KIAA1549L: variants seen among roughly 807,000 people sequenced by gnomAD.
The protein encoded by KIAA1549L is UPF0606 protein KIAA1549L.
A neutral mutation model predicts 160.7 loss-of-function variants in KIAA1549L; 88 were observed. The ratio of observed to expected loss-of-function variants is 0.55; its 90% CI spans 0.46 to 0.65. The LOEUF (loss-of-function observed/expected upper bound fraction) is 0.65. KIAA1549L is among the 30% of genes least tolerant of loss of function. The pLI is 0.00. For missense variants in KIAA1549L, 2,258 were observed against 2,437.5 expected (o/e 0.93, Z 1.55); for synonymous variants, 950 against 976.7 (o/e 0.97, Z 0.51).
chr11:33,661,914 A>C (rs1852279490), intron 20 of KIAA1549L, among the ~76,000 whole-genome samples: 1 of 150,692 alleles, frequency 6.6e-6, no homozygotes, highest in Non-Finnish European at 1.5e-5. Flanking sequence ...AAAGAAACCC[A>C]AGACTGAATT....
chr11:33,574,603 T>G, intron 9 of KIAA1549L, 99 bp from the exon 10 acceptor site: 1 of 1,138,088 alleles, frequency 8.8e-7, no homozygotes, highest in South Asian at 1.7e-5. Context: ...GCCACAGAAG[T>G]CTTCAGCAGT....
intron 9 of KIAA1549L, among the ~76,000 whole-genome samples, chr11:33,569,004 C>T (rs1275954705): frequency 6.6e-6 from 1 of 152,170 alleles, no homozygotes; most frequent in East Asian, 1.9e-4. Flanking sequence ...AAGCTTTAGT[C>T]ATTGACTGCA....
intron 1 of KIAA1549L, among the ~76,000 whole-genome samples, chr11:33,522,004 A>T (rs1485747479): frequency 6.6e-6 from 1 of 152,234 alleles, no homozygotes; most frequent in African/African-American, 2.4e-5. Context: ...CAAATGAGAG[A>T]CAGTGTAGCC....
At chr11:33,513,215 A>G (rs1410190095) in intron 1 of KIAA1549L, among the ~76,000 whole-genome samples, 2 of 152,194 alleles carry the variant, frequency 1.3e-5, no homozygotes, top group Admixed American at 6.5e-5. Flanking sequence ...TGAAAATAAA[A>G]CAAATATTTT....
At chr11:33,561,976 T>C (rs888349173) in intron 8 of KIAA1549L, among the ~76,000 whole-genome samples, 2 of 152,236 alleles carry the variant, frequency 1.3e-5, no homozygotes, top group African/African-American at 4.8e-5. Context: ...TTGTAAAAAG[T>C]GACCCTATCA....
chr11:33,598,857 G>GA lies in KIAA1549L; in HGVS notation c.4791dup (p.Ser1598IlefsTer34). The GA allele has an allele frequency of 6.2e-7, 1 of 1,613,936 alleles. No individual in the cohort carries two copies. The highest frequency in any genetic ancestry group is 8.5e-7 in the Non-Finnish European group (1 of 1,179,862). ...TGAGAATGGCTCTGTCATCAGCAAC[G>GA]AATCAGGGAAGCCCAGCTCAGGGAG... On this transcript the variant is annotated frameshift_variant, in exon 13 of 21. Coordinates refer to ENST00000658780, the MANE Select transcript of KIAA1549L (RefSeq NM_012194.3). LOFTEE classifies it high-confidence loss of function.
chr11:33,397,044 C>T (rs962511505), intron 1 of KIAA1549L, among the ~76,000 whole-genome samples: 7 of 151,006 alleles, frequency 4.6e-5, no homozygotes, highest in Non-Finnish European at 8.8e-5. Flanking sequence ...AAAGTGAAAA[C>T]GTTTTAGGTT....
intron 13 of KIAA1549L, among the ~76,000 whole-genome samples, chr11:33,604,508 G>A (rs917976382): frequency 6.0e-4 from 92 of 152,288 alleles, no homozygotes; most frequent in African/African-American, 2.2e-3. Context: ...ACTTGCACAT[G>A]TGTGTTTATA....
intron 16 of KIAA1549L, among the ~76,000 whole-genome samples, chr11:33,643,621 G>A (rs558145943): frequency 6.6e-6 from 1 of 152,242 alleles, no homozygotes; most frequent in South Asian, 2.1e-4. Context: ...CAACCAGCAT[G>A]AACAGGACAT....
chr11:33,435,535 A>G (rs376419799), intron 1 of KIAA1549L, among the ~76,000 whole-genome samples: 112 of 151,822 alleles, frequency 7.4e-4, no homozygotes, highest in African/African-American at 2.6e-3. Context: ...AATTTTTACA[A>G]TTCTGTTGCT....
chr11:33,400,122 C>CGA (rs1228017203), intron 1 of KIAA1549L, among the ~76,000 whole-genome samples: 1 of 152,166 alleles, frequency 6.6e-6, no homozygotes, highest in Non-Finnish European at 1.5e-5. Context: ...TCTGACCTTT[C>CGA]ACGTACAGCA....
chr11:33,632,448 C>T (rs1332081134), intron 16 of KIAA1549L, among the ~76,000 whole-genome samples: 6 of 152,204 alleles, frequency 3.9e-5, no homozygotes, highest in African/African-American at 7.2e-5. Flanking sequence ...CTTGGTCAGG[C>T]CCCATCGATG....
At position 33,659,994 on chromosome 11, in the gene KIAA1549L, G is replaced by A. The variant is rs1037191168; in HGVS notation, c.6008-869G>A. Among the ~76,000 whole-genome samples, 5 of 152,336 alleles carry A rather than the reference G, an allele frequency of 3.3e-5. No homozygotes were observed. In the East Asian group the frequency reaches 5.8e-4, roughly 18 times the overall value. ...CCCAGAGTCCTCCTCTGCTTCCCTA[G>A]ATTCCCCAGGCCTGGGCAGATGCAG... On this transcript the variant is annotated intron_variant, in intron 19 of 20. Coordinates refer to ENST00000658780, the MANE Select transcript of KIAA1549L (RefSeq NM_012194.3).
At chr11:33,550,843 T>C (rs1854435238) in intron 4 of KIAA1549L, among the ~76,000 whole-genome samples, 197 bp from the exon 5 acceptor site, 1 of 152,242 alleles carries the variant, frequency 6.6e-6, no homozygotes, top group Non-Finnish European at 1.5e-5. Context: ...ATGTAAATTA[T>C]ATTTTGTTGT....
intron 1 of KIAA1549L, among the ~76,000 whole-genome samples, chr11:33,454,564 A>G (rs1242457075): frequency 1.3e-5 from 2 of 152,154 alleles, no homozygotes; most frequent in African/African-American, 4.8e-5. Flanking sequence ...TCTGAGTCTG[A>G]TAGCCTGTGT....
rs1031224002 is a variant in KIAA1549L, at chr11:33,545,480, T to C, written c.3385+102T>C. 4.3e-5 allele frequency: 58 copies of C among 1,351,184 alleles called. No homozygotes were observed. The Admixed American group carries it at 1.1e-3, about 26-fold the overall frequency. 83.7% of individuals were successfully genotyped at this position (1,351,184 alleles called of 1,614,324 possible). A position where few individuals can be genotyped will look rare whatever the true frequency, so the allele number is the denominator to read the frequency against. ...GTGGTCCTCAACCAGGGGACATTTTTCCACCCTCCCCCAGGGACATTTGGC... is the reference window on the plus strand; with the variant it reads ...GTGGTCCTCAACCAGGGGACATTTTCCCACCCTCCCCCAGGGACATTTGGC... On this transcript the variant is annotated intron_variant, in intron 3 of 20. Coordinates refer to ENST00000658780, the MANE Select transcript of KIAA1549L (RefSeq NM_012194.3).
intron 15 of KIAA1549L, among the ~76,000 whole-genome samples, chr11:33,610,776 A>T (rs993952934): frequency 6.6e-6 from 1 of 152,224 alleles, no homozygotes; most frequent in African/African-American, 2.4e-5. Flanking sequence ...CTATAACAGA[A>T]TACCTGAGAC....
chr11:33,407,207 C>T (rs1251103394), intron 1 of KIAA1549L, among the ~76,000 whole-genome samples: 1 of 146,996 alleles, frequency 6.8e-6, no homozygotes, highest in Non-Finnish European at 1.5e-5. Flanking sequence ...GCCTCAGCCT[C>T]CCGAGTAGCT....
chr11:33,627,543 A>G (rs913277623), intron 16 of KIAA1549L, among the ~76,000 whole-genome samples: 18 of 152,090 alleles, frequency 1.2e-4, no homozygotes, highest in Non-Finnish European at 1.9e-4. Flanking sequence ...GTTTATTTGC[A>G]TAGAGGTGTT....
Sources: allele counts gnomAD v4.1 joint callset (sites outside exome capture counted in the v4.1 genomes callset), GRCh38; gene constraint gnomAD v4.1.1; transcripts MANE v1.5; gene names NCBI Gene and HGNC (gene_info 2026-07-23, HGNC 2026-07-21).